Variants in CDK14 observed in about 807,000 individuals in gnomAD.
The protein encoded by CDK14 is cyclin dependent kinase 14.
CDK14 carries 34 observed loss-of-function variants against 60.7 expected under a neutral mutation model. The ratio of observed to expected loss-of-function variants is 0.56; its 90% CI spans 0.43 to 0.75. The LOEUF is 0.75. CDK14 is among the 30% of genes least tolerant of loss of function. CDK14 has a pLI of 0.00. For missense variants in CDK14, 482 were observed against 564.1 expected (o/e 0.85, Z 1.47); for synonymous variants, 197 against 203.7 (o/e 0.97, Z 0.28).
intron 9 of CDK14, among the ~76,000 whole-genome samples, chr7:90,957,427 C>T (rs563626296): frequency 3.7e-4 from 56 of 152,178 alleles, no homozygotes; most frequent in African/African-American, 1.3e-3. Flanking sequence ...TGTTTGCAGA[C>T]GACATGATTA....
intron 12 of CDK14, among the ~76,000 whole-genome samples, chr7:91,084,811 T>C (rs1335683441): frequency 6.6e-6 from 1 of 152,180 alleles, no homozygotes. Context: ...TCCTTTCAGA[T>C]TACGTGTTGG....
At chr7:91,063,068 T>C (rs1485989958) in intron 11 of CDK14, among the ~76,000 whole-genome samples, 1 of 152,184 alleles carries the variant, frequency 6.6e-6, no homozygotes, top group African/African-American at 2.4e-5. Flanking sequence ...AGAAGTATCA[T>C]CCACTCATGA....
At chr7:90,608,390 A>G (rs1799465180) in intron 2 of CDK14, 1 of 176,566 alleles carries the variant, frequency 5.7e-6, no homozygotes, top group African/African-American at 2.4e-5. Flanking sequence ...CTTTGGAGAC[A>G]AAAGCTCTAA....
chr7:91,174,154 CCCCT>C (rs1801638848), intron 14 of CDK14, among the ~76,000 whole-genome samples: 2 of 152,016 alleles, frequency 1.3e-5, no homozygotes, highest in African/African-American at 4.8e-5. Context: ...TGACCCCTGA[CCCCT>C]GAGCAGCCTA....
Position 90,756,552 on chromosome 7 carries a change from A to G in CDK14, c.464+8777A>G, listed in dbSNP as rs189652344. Among the ~76,000 whole-genome samples, 10 of 152,294 alleles carry G rather than the reference A, an allele frequency of 6.6e-5. No individual in the cohort carries two copies. In the East Asian group the frequency reaches 1.5e-3, roughly 24 times the overall value. ...GTAGTACTTCCTTTCCTCCAGGTGGAGAGGAAAGCCATTGCCTAGTTACCT... is the reference window on the plus strand; with the variant it reads ...GTAGTACTTCCTTTCCTCCAGGTGGGGAGGAAAGCCATTGCCTAGTTACCT... On this transcript the variant is annotated intron_variant, in intron 4 of 14. Coordinates refer to ENST00000380050, the MANE Select transcript of CDK14 (RefSeq NM_001287135.2).
chr7:90,664,825 A>C (rs937519078), intron 2 of CDK14, among the ~76,000 whole-genome samples: 5 of 151,974 alleles, frequency 3.3e-5, no homozygotes, highest in African/African-American at 1.2e-4. Flanking sequence ...GCATTAGGAG[A>C]TATACCTAAT....
intron 6 of CDK14, among the ~76,000 whole-genome samples, chr7:90,887,390 A>G (rs1480278185): frequency 2.0e-5 from 3 of 152,178 alleles, no homozygotes; most frequent in Non-Finnish European, 4.4e-5. Flanking sequence ...CAGGCTAGCC[A>G]TAAGAATAGC....
At chr7:90,620,178 G>A (rs192840922) in intron 2 of CDK14, among the ~76,000 whole-genome samples, 5 of 152,260 alleles carry the variant, frequency 3.3e-5, no homozygotes, top group Non-Finnish European at 5.9e-5. Context: ...AGCTTTCAGT[G>A]GGACATCTAC....
At chr7:90,964,658 G>A (rs1210762405) in intron 9 of CDK14, among the ~76,000 whole-genome samples, 1 of 151,802 alleles carries the variant, frequency 6.6e-6, no homozygotes, top group East Asian at 1.9e-4. Context: ...TTTAGACATG[G>A]TATTTTACTT....
intron 6 of CDK14, among the ~76,000 whole-genome samples, chr7:90,875,032 C>G (rs890883772): frequency 6.6e-6 from 1 of 152,112 alleles, no homozygotes; most frequent in African/African-American, 2.4e-5. Context: ...CACCACTAAC[C>G]CCCTGCTCCT....
chr7:90,876,230 C>T (rs1000380049), intron 6 of CDK14, among the ~76,000 whole-genome samples: 2 of 152,084 alleles, frequency 1.3e-5, no homozygotes, highest in South Asian at 4.2e-4. Context: ...TATGAGATTC[C>T]CAATGAAAAA....
At chr7:90,962,676 A>G (rs1794635767) in intron 9 of CDK14, among the ~76,000 whole-genome samples, 1 of 152,088 alleles carries the variant, frequency 6.6e-6, no homozygotes, top group African/African-American at 2.4e-5. Context: ...TTTTAAGAAC[A>G]AATAAAAATT....
At chr7:90,786,068 G>A (rs948312310) in intron 4 of CDK14, among the ~76,000 whole-genome samples, 6 of 152,098 alleles carry the variant, frequency 3.9e-5, no homozygotes, top group Non-Finnish European at 8.8e-5. Flanking sequence ...AGTTCATGCC[G>A]CCTGATGGGC....
intron 8 of CDK14, among the ~76,000 whole-genome samples, chr7:90,947,149 T>C (rs1057253252): frequency 6.6e-6 from 1 of 152,218 alleles, no homozygotes; most frequent in Non-Finnish European, 1.5e-5. Context: ...TTCTCTCTAA[T>C]GTACTCGTGT....
intron 14 of CDK14, among the ~76,000 whole-genome samples, chr7:91,122,594 C>T (rs1799813346): frequency 6.6e-6 from 1 of 152,202 alleles, no homozygotes; most frequent in South Asian, 2.1e-4. Flanking sequence ...CATGCTGTGA[C>T]ATTATGGCGG....
chr7:90,632,309 T>C, intron 2 of CDK14: 1 of 301,140 alleles, frequency 3.3e-6, no homozygotes, highest in South Asian at 3.3e-5. Context: ...AACAAAACTG[T>C]CTCAGAGGCT....
chr7:90,696,031 C>T (rs1801648207), intron 2 of CDK14, among the ~76,000 whole-genome samples: 1 of 152,060 alleles, frequency 6.6e-6, no homozygotes, highest in Admixed American at 6.5e-5. Flanking sequence ...GCAGAAAGAC[C>T]AGTTAGGAGG....
chr7:91,157,127 TCA>T (rs1216256138), intron 14 of CDK14, among the ~76,000 whole-genome samples: 1 of 152,156 alleles, frequency 6.6e-6, no homozygotes, highest in African/African-American at 2.4e-5. Context: ...GGTTGCTGAA[TCA>T]CACGTTTCAT....
At chr7:90,638,935 C>A (rs1438530175) in intron 2 of CDK14, among the ~76,000 whole-genome samples, 2 of 152,092 alleles carry the variant, frequency 1.3e-5, no homozygotes, top group Non-Finnish European at 2.9e-5. Flanking sequence ...GCTCCTGAGG[C>A]TTCTGCATTC....
Sources: allele counts gnomAD v4.1 joint callset (sites outside exome capture counted in the v4.1 genomes callset), GRCh38; gene constraint gnomAD v4.1.1; transcripts MANE v1.5; gene names NCBI Gene and HGNC (gene_info 2026-07-23, HGNC 2026-07-21).